The following PALD1 variants were observed in gnomAD, a reference collection of about 807,000 sequenced individuals.
PALD1 encodes phosphatase domain containing paladin 1, also known as paladin.
PALD1 carries 57 observed loss-of-function variants against 96.0 expected under a neutral mutation model. That is an observed-to-expected ratio of 0.59 (90% confidence interval 0.48 to 0.74). PALD1 has a LOEUF of 0.74. Among genes scored for constraint, PALD1 ranks in the 30% least tolerant of loss-of-function variants. The pLI is 0.00. For synonymous variants in PALD1, 464 were observed against 473.6 expected (o/e 0.98, Z 0.26); for missense variants, 1,063 against 1,143.7 (o/e 0.93, Z 1.02).
At chr10:70,538,030 G>A (rs2132389637) in intron 11 of PALD1, 124 bp downstream of exon 11, 1 of 804,058 alleles carries the variant, frequency 1.2e-6, no homozygotes, top group South Asian at 1.6e-5. Context: ...AGGGAGGCCA[G>A]GAGAGACCCA....
At chr10:70,519,786 G>A (rs1846693369) in intron 1 of PALD1, among the ~76,000 whole-genome samples, 1 of 152,032 alleles carries the variant, frequency 6.6e-6, no homozygotes, top group South Asian at 2.1e-4. Flanking sequence ...TGTTGGCCAG[G>A]CTGGTCTCGA....
the PALD1 span, among the ~76,000 whole-genome samples, chr10:70,463,175 C>G: frequency 1.3e-5 from 2 of 152,144 alleles, no homozygotes; most frequent in African/African-American, 4.8e-5. Context: ...GAGGCCAAGG[C>G]GGGCAGATCA....
chr10:70,547,466 C>A lies in PALD1; in HGVS notation c.2262+20C>A. The stretch of plus-strand genomic sequence containing the variant: ...CGCCAGGTGAGCCCCCACCCCACCC[C>A]ACCCCACCCTGCCCCAGCCACCCTT... On this transcript the variant is annotated intron_variant, in intron 18 of 19. Coordinates refer to ENST00000263563, the MANE Select transcript of PALD1 (RefSeq NM_014431.3). The A allele has an allele frequency of 1.3e-5, 19 of 1,516,946 alleles. No homozygotes were observed. Among genetic ancestry groups the A allele is most frequent in the Non-Finnish European group, 1.7e-5 (19 of 1,122,578 alleles). 94.0% of individuals were successfully genotyped at this position (1,516,946 alleles called of 1,614,324 possible).
Position 70,498,882 on chromosome 10 carries a change from C to T in PALD1, c.-30+19823C>T, listed in dbSNP as rs75964382. ...GGCAGAAGTTACAGTGAGCCAAGATCGCCCCATTGCACTCCAGATTGGGCA... is the reference window on the plus strand; with the variant it reads ...GGCAGAAGTTACAGTGAGCCAAGATTGCCCCATTGCACTCCAGATTGGGCA... On this transcript the variant is annotated intron_variant, in intron 1 of 19. Coordinates refer to ENST00000263563, the MANE Select transcript of PALD1 (RefSeq NM_014431.3). 1.2e-3 allele frequency among the ~76,000 whole-genome samples: 183 copies of T among 151,250 alleles called. 2 individuals carry two copies. The East Asian group carries it at 0.022, about 18-fold the overall frequency.
At chr10:70,530,166 C>T in intron 4 of PALD1, 98 bp downstream of exon 4, 2 of 1,006,328 alleles carry the variant, frequency 2.0e-6, no homozygotes, top group Non-Finnish European at 2.8e-6. Flanking sequence ...GGGCCTGCTG[C>T]ATGCTGGAGA....
intron 1 of PALD1, among the ~76,000 whole-genome samples, chr10:70,521,722 C>CG (rs1846740208): frequency 6.6e-6 from 1 of 151,598 alleles, no homozygotes; most frequent in South Asian, 2.1e-4. Context: ...TTAGTAGAGA[C>CG]GGGGTTTCAC....
intron 17 of PALD1, among the ~76,000 whole-genome samples, chr10:70,543,759 G>T (rs916412949): frequency 2.6e-5 from 4 of 152,146 alleles, no homozygotes; most frequent in Non-Finnish European, 5.9e-5. Flanking sequence ...TGATGGTCAG[G>T]CCTCTCCTTC....
At position 70,532,682 on chromosome 10, in the gene PALD1, T is replaced by A; in HGVS notation, c.695T>A (p.Leu232Gln). 1 of 1,614,160 alleles carries A rather than the reference T, an allele frequency of 6.2e-7. No homozygotes were observed. Among genetic ancestry groups the A allele is most frequent in the Non-Finnish European group, 8.5e-7 (1 of 1,179,992 alleles). ...TYHVYHNTED[L>Q]WGEPHAVAIH... ...CATGTGTACCATAACACCGAGGACC[T>A]GTGGGGGGAGCCCCATGCTGTGGCC... is the stretch of plus-strand genomic sequence containing the variant. Residue 232 changes from leucine (L) to glutamine (Q), a missense_variant, in exon 6 of 20, where the codon CTG becomes CAG. Coordinates refer to ENST00000263563, the MANE Select transcript of PALD1 (RefSeq NM_014431.3).
the PALD1 span, among the ~76,000 whole-genome samples, chr10:70,470,212 G>A: frequency 6.6e-6 from 1 of 152,212 alleles, no homozygotes; most frequent in East Asian, 1.9e-4. Context: ...AAGGAAAACA[G>A]TAGATGAAGC....
At chr10:70,463,247 G>A in the PALD1 span, among the ~76,000 whole-genome samples, 3,524 of 152,124 alleles carry the variant, frequency 0.023, 52 homozygotes, top group Middle Eastern at 0.068. Context: ...TACTAAAAAT[G>A]CAAAAAATTA....
intron 1 of PALD1, among the ~76,000 whole-genome samples, chr10:70,501,715 C>CTATT (rs397767691): frequency 6.7e-6 from 1 of 150,318 alleles, no homozygotes; most frequent in African/African-American, 2.4e-5. Flanking sequence ...ATAAAGATAT[C>CTATT]CAGGAAGATG....
chr10:70,465,462 G>A, the PALD1 span, among the ~76,000 whole-genome samples: 41 of 152,290 alleles, frequency 2.7e-4, no homozygotes, highest in Middle Eastern at 6.8e-3. Context: ...CAGGGAGGGA[G>A]GAGGAGAGAA....
At chr10:70,464,939 TTGTATGTATGTATGTATGTA>T in the PALD1 span, among the ~76,000 whole-genome samples, 2,317 of 142,234 alleles carry the variant, frequency 0.016, 67 homozygotes, top group African/African-American at 0.059. Flanking sequence ...CTATGTACAC[TTGTATGTATGTATGTATGTA>T]TGTATGTATG....
rs1846719865 is a variant in PALD1, at chr10:70,520,839, C to G, written c.-29-5084C>G. ...CCCAAGTAGCTGGGATTACAGGCGC[C>G]TGCCAGCACACCCGGCTAATTTTTG... On this transcript the variant is annotated intron_variant, in intron 1 of 19. Coordinates refer to ENST00000263563, the MANE Select transcript of PALD1 (RefSeq NM_014431.3). Among the ~76,000 whole-genome samples the G allele has an allele frequency of 4.0e-5, 6 of 151,622 alleles. No homozygotes were observed. The South Asian group carries it at 1.3e-3, about 32-fold the overall frequency.
intron 2 of PALD1, among the ~76,000 whole-genome samples, chr10:70,527,537 T>C (rs999111270): frequency 1.3e-5 from 2 of 152,192 alleles, no homozygotes; most frequent in African/African-American, 2.4e-5. Flanking sequence ...AATGGCAGAA[T>C]TGAGTAGTTG....
At chr10:70,519,892 CAT>C (rs1426621567) in intron 1 of PALD1, among the ~76,000 whole-genome samples, 1 of 152,038 alleles carries the variant, frequency 6.6e-6, no homozygotes, top group African/African-American at 2.4e-5. Context: ...AGGATTTTAA[CAT>C]ATGAGTTTTT....
At chr10:70,546,476 G>A (rs988699850) in intron 17 of PALD1, among the ~76,000 whole-genome samples, 1 of 152,116 alleles carries the variant, frequency 6.6e-6, no homozygotes, top group South Asian at 2.1e-4. Context: ...TGTGAGAACT[G>A]TGTGCACTCT....
chr10:70,548,745 T>C (rs1847419516), intron 18 of PALD1, among the ~76,000 whole-genome samples: 1 of 152,190 alleles, frequency 6.6e-6, no homozygotes. Flanking sequence ...GCTGTAGCTG[T>C]GCACACATTG....
At chr10:70,524,971 C>G (rs1589194822) in intron 1 of PALD1, among the ~76,000 whole-genome samples, 1 of 152,074 alleles carries the variant, frequency 6.6e-6, no homozygotes, top group Non-Finnish European at 1.5e-5. Flanking sequence ...GGGAGCTGTG[C>G]CTGTTGAGGA....
Sources: gnomAD v4.1 joint callset for allele counts (sites outside exome capture counted in the v4.1 genomes callset) on GRCh38, gnomAD v4.1.1 for gene constraint, MANE v1.5 for transcripts, NCBI Gene and HGNC (gene_info 2026-07-23, HGNC 2026-07-21) for gene names.